Variants in LRRTM4 observed in about 807,000 individuals in gnomAD.
The protein encoded by LRRTM4 is leucine-rich repeat transmembrane neuronal protein 4.
LRRTM4 carries 25 observed loss-of-function variants against 47.6 expected under a neutral mutation model. That is an observed-to-expected ratio of 0.53 (90% CI 0.38 to 0.73). LRRTM4 has a LOEUF of 0.73. Ranked by LOEUF, LRRTM4 falls within the 30% of genes least tolerant of loss-of-function variation. LRRTM4 has a pLI of 0.00. For synonymous variants in LRRTM4, 311 were observed against 269.5 expected, an observed-to-expected ratio of 1.15 and a Z score of -1.51; for missense variants, 638 against 713.4, an observed-to-expected ratio of 0.89 and a Z score of 1.20.
At chr2:77,289,313 T>C (rs971965059) in intron 3 of LRRTM4, among the ~76,000 whole-genome samples, 2 of 152,036 alleles carry the variant, frequency 1.3e-5, no homozygotes, top group African/African-American at 2.4e-5. Flanking sequence ...TGAAAGGTAA[T>C]GGATTTATCT....
intron 3 of LRRTM4, among the ~76,000 whole-genome samples, chr2:77,352,053 G>T (rs1671802384): frequency 6.6e-6 from 1 of 152,198 alleles, no homozygotes; most frequent in Non-Finnish European, 1.5e-5. Flanking sequence ...GCTGCATAAA[G>T]ATGTCATAAT....
intron 3 of LRRTM4, among the ~76,000 whole-genome samples, chr2:76,921,561 T>C (rs1267858848): frequency 6.6e-6 from 1 of 152,094 alleles, no homozygotes; most frequent in Admixed American, 6.6e-5. Flanking sequence ...ATATAAATTA[T>C]TTAGAATTTT....
chr2:77,029,051 A>AAATATATATATATATATAT (rs1678554040), intron 3 of LRRTM4, among the ~76,000 whole-genome samples: 4 of 88,716 alleles, frequency 4.5e-5, no homozygotes, highest in Admixed American at 2.3e-4. Flanking sequence ...ACACACACAC[A>AAATATATATATATATATAT]AATATATATA....
At chr2:77,435,431 T>TAG (rs1558742227) in intron 3 of LRRTM4, among the ~76,000 whole-genome samples, 2 of 152,204 alleles carry the variant, frequency 1.3e-5, no homozygotes, top group Non-Finnish European at 2.9e-5. Flanking sequence ...AGCTAAACAT[T>TAG]CTTAGGTCAA....
chr2:76,959,275 T>C (rs1157924426), intron 3 of LRRTM4, among the ~76,000 whole-genome samples: 1 of 151,670 alleles, frequency 6.6e-6, no homozygotes, highest in African/African-American at 2.4e-5. Context: ...AAAACAAATG[T>C]CATGGTGGAG....
intron 3 of LRRTM4, among the ~76,000 whole-genome samples, chr2:76,942,869 A>G (rs1047148637): frequency 6.6e-6 from 1 of 152,152 alleles, no homozygotes; most frequent in Non-Finnish European, 1.5e-5. Flanking sequence ...AAATGATATG[A>G]TCTTTTGTAA....
intron 3 of LRRTM4, among the ~76,000 whole-genome samples, chr2:76,778,727 A>C (rs1297159316): frequency 2.0e-5 from 3 of 150,594 alleles, no homozygotes; most frequent in Non-Finnish European, 3.0e-5. Flanking sequence ...GGATTCATTA[A>C]TTTTTTGAAG....
Position 76,748,647 on chromosome 2 carries a change from C to A in LRRTM4, c.*48G>T. The A allele has an allele frequency of 8.6e-7, 1 of 1,158,712 alleles. No homozygotes were observed. The highest frequency in any genetic ancestry group is 2.5e-5 in the East Asian group (1 of 40,144). The allele number at this position is 1,158,712 out of a possible 1,614,324, so 71.8% of individuals were successfully genotyped here. A position where few individuals can be genotyped will look rare whatever the true frequency, so the allele number is the denominator to read the frequency against. On this transcript the variant is annotated 3_prime_UTR_variant, in exon 4 of 4. Transcript: ENST00000409884. ...CACCCATTCTCCTTTAAGATGAAGGCCCTCCCTCCCCCCCATGGAGCTCCC... is the reference window on the plus strand; with the variant it reads ...CACCCATTCTCCTTTAAGATGAAGGACCTCCCTCCCCCCCATGGAGCTCCC...
At chr2:77,007,360 A>G (rs1677694933) in intron 3 of LRRTM4, among the ~76,000 whole-genome samples, 1 of 152,198 alleles carries the variant, frequency 6.6e-6, no homozygotes, top group South Asian at 2.1e-4. Flanking sequence ...AGTGCAAAAT[A>G]TTCTAGCAAT....
intron 3 of LRRTM4, among the ~76,000 whole-genome samples, chr2:77,115,483 G>A (rs1460636310): frequency 6.6e-6 from 1 of 152,198 alleles, no homozygotes; most frequent in Non-Finnish European, 1.5e-5. Flanking sequence ...ACAGGCCTAA[G>A]AAATTATAAA....
chr2:77,442,317 G>A (rs939581377), intron 3 of LRRTM4, among the ~76,000 whole-genome samples: 3 of 152,030 alleles, frequency 2.0e-5, no homozygotes, highest in Non-Finnish European at 2.9e-5. Flanking sequence ...ATTTTCTTTG[G>A]CAGTCTTTTT....
chr2:77,436,899 T>G (rs1361270993), intron 3 of LRRTM4, among the ~76,000 whole-genome samples: 1 of 151,892 alleles, frequency 6.6e-6, no homozygotes, highest in Non-Finnish European at 1.5e-5. Context: ...CCACAGTCCA[T>G]TCTGAGTACA....
chr2:77,265,723 T>C lies in LRRTM4; in HGVS notation c.1551+252595A>G, dbSNP rs531184567. On this transcript the variant is annotated intron_variant, in intron 3 of 3. Coordinates refer to ENST00000409884, the MANE Select transcript of LRRTM4 (RefSeq NM_001134745.3). Reference sequence around the variant, plus strand: ...TTCAACAGATTTAATCAATATAAAATCTTGAGAAAATGCTTTTCAAATTGG... The same window carrying C: ...TTCAACAGATTTAATCAATATAAAACCTTGAGAAAATGCTTTTCAAATTGG... 1.1e-4 allele frequency among the ~76,000 whole-genome samples: 16 copies of C among 152,258 alleles called. No individual in the cohort carries two copies. The East Asian group carries it at 2.9e-3, about 28-fold the overall frequency.
At chr2:77,183,758 A>T (rs1254602159) in intron 3 of LRRTM4, among the ~76,000 whole-genome samples, 1 of 152,322 alleles carries the variant, frequency 6.6e-6, no homozygotes, top group Admixed American at 6.5e-5. Context: ...GCCATAAAAA[A>T]GCAATGAGTT....
At chr2:77,013,023 C>A (rs943506943) in intron 3 of LRRTM4, among the ~76,000 whole-genome samples, 1 of 152,144 alleles carries the variant, frequency 6.6e-6, no homozygotes, top group African/African-American at 2.4e-5. Flanking sequence ...ATAGCATGAA[C>A]AACAGGATGA....
chr2:76,809,964 T>TA lies in LRRTM4; in HGVS notation c.1552-61049dup, dbSNP rs1018285839. 4.6e-4 allele frequency among the ~76,000 whole-genome samples: 70 copies of TA among 152,202 alleles called. 1 individual carries two copies. Among genetic ancestry groups the TA allele is most frequent in the Non-Finnish European group, 9.0e-4 (61 of 67,988 alleles). ...ATAGACTCCTGCCCTGACCAACCTATAAAAAAAATTCATCAGCTGTGACTT... is the reference window on the plus strand; with the variant it reads ...ATAGACTCCTGCCCTGACCAACCTATAAAAAAAAATTCATCAGCTGTGACTT... On this transcript the variant is annotated intron_variant, in intron 3 of 3. Transcript: ENST00000409884.
At chr2:77,060,242 C>T (rs1288265930) in intron 3 of LRRTM4, among the ~76,000 whole-genome samples, 1 of 152,084 alleles carries the variant, frequency 6.6e-6, no homozygotes, top group Non-Finnish European at 1.5e-5. Context: ...AAATATATGC[C>T]TATAACTTAG....
At chr2:77,145,202 T>C (rs1014687143) in intron 3 of LRRTM4, among the ~76,000 whole-genome samples, 3 of 150,620 alleles carry the variant, frequency 2.0e-5, no homozygotes, top group Non-Finnish European at 2.9e-5. Flanking sequence ...GACAGATATG[T>C]ATGTGTGTGT....
intron 3 of LRRTM4, among the ~76,000 whole-genome samples, chr2:77,000,049 G>GA (rs142820406): frequency 0.028 from 4,313 of 152,246 alleles, 246 homozygotes; most frequent in African/African-American, 0.098. Context: ...AAGGTAGACT[G>GA]AAAAATATCA....
Sources: gnomAD v4.1 joint callset for allele counts (sites outside exome capture counted in the v4.1 genomes callset) on GRCh38, gnomAD v4.1.1 for gene constraint, MANE v1.5 for transcripts, NCBI Gene and HGNC (gene_info 2026-07-23, HGNC 2026-07-21) for gene names.